Variants in NLRP14 observed in about 807,000 individuals in gnomAD.
The protein encoded by NLRP14 is NLR family pyrin domain containing 14.
Under a neutral mutation model 94.7 loss-of-function variants are expected in NLRP14, and 105 were observed. The ratio of observed to expected loss-of-function variants is 1.11; its 90% confidence interval spans 0.95 to 1.30. NLRP14 has a LOEUF of 1.30. Ranked by LOEUF, NLRP14 falls within the 50% of genes most tolerant of loss-of-function variation. The pLI is 0.00. For missense variants in NLRP14, 1,362 were observed against 1,254.1 expected (o/e 1.09, Z -1.30); for synonymous variants, 508 against 459.9 (o/e 1.10, Z -1.34).
Position 7,071,287 on chromosome 11 carries a change from G to A in NLRP14, c.3261G>A (p.Val1087=), listed in dbSNP as rs978321790. The A allele has an allele frequency of 6.2e-7, 1 of 1,613,138 alleles. No homozygotes were observed. Among genetic ancestry groups the A allele is most frequent in the African/African-American group, 1.3e-5 (1 of 74,836 alleles). ...PDCNYHNEED[V]SWWWCF is the part of the protein sequence containing the mutation. Reference sequence around the variant, plus strand: ...GTAACTATCATAATGAAGAAGATGTGTCTTGGTGGTGGTGTTTCTGATTTG... The same window carrying A: ...GTAACTATCATAATGAAGAAGATGTATCTTGGTGGTGGTGTTTCTGATTTG... Residue 1087 remains valine (V), a synonymous_variant, in exon 12 of 12, where the codon GTG becomes GTA. Transcript: ENST00000299481.
In NLRP14 at chr11:7,043,794, C is replaced by T. The variant is rs1565017318; in HGVS notation, c.1768C>T (p.Gln590Ter). ...LELFHCLYETQDKAFISQAMR... is the reference protein window; with the variant it reads ...LELFHCLYET ...GTTGTTTCACTGTCTGTATGAGACT[C>T]AAGATAAAGCGTTTATAAGCCAGGC... The change falls in exon 4 of 12, where the codon CAA becomes TAA. Residue 590 changes from glutamine (Q) to a stop codon, truncating the protein, a stop_gained. Coordinates refer to ENST00000299481, the MANE Select transcript of NLRP14 (RefSeq NM_176822.4). LOFTEE classifies it high-confidence loss of function. The T allele has an allele frequency of 6.2e-7, 1 of 1,614,096 alleles. No homozygotes were observed.
At chr11:7,066,689 A>G (rs1852711415) in intron 10 of NLRP14, among the ~76,000 whole-genome samples, 1 of 152,052 alleles carries the variant, frequency 6.6e-6, no homozygotes, top group Non-Finnish European at 1.5e-5. Flanking sequence ...GAAGCTCTTT[A>G]GTTTAATTAG....
chr11:7,083,293 C>T, the NLRP14 span, among the ~76,000 whole-genome samples: 1 of 152,196 alleles, frequency 6.6e-6, no homozygotes, highest in Non-Finnish European at 1.5e-5. Context: ...TTCAAATGCC[C>T]ATTCCAATTC....
chr11:7,037,034 CAAAGAT>C (rs922195020), intron 1 of NLRP14, among the ~76,000 whole-genome samples: 3 of 152,106 alleles, frequency 2.0e-5, no homozygotes, highest in Admixed American at 6.5e-5. Flanking sequence ...ACAGGAAAGA[CAAAGAT>C]AAAGATGGAC....
chr11:7,079,680 A>G, the NLRP14 span, among the ~76,000 whole-genome samples: 95,731 of 152,100 alleles, frequency 0.63, 30,434 homozygotes, highest in East Asian at 0.8. Context: ...CTGAGACAAA[A>G]GACAAAGGGT....
Position 7,057,769 on chromosome 11 carries a change from C to T in NLRP14, c.2384C>T (p.Thr795Ile). ...SQSLIFLNLS[T>I]NNLLDDGVQL... ...AGCCTGATATTTCTGAATCTGTCAA[C>T]CAATAATCTGTTGGATGATGGAGTG... Residue 795 changes from threonine (T) to isoleucine (I), a missense_variant, in exon 7 of 12, where the codon ACC (threonine) becomes ATC (isoleucine). Physicochemically the swap from Thr to Ile is moderately conservative, Grantham distance 89. Transcript: ENST00000299481. The T allele has an allele frequency of 6.2e-7, 1 of 1,612,058 alleles. No individual in the cohort carries two copies. The highest frequency in any genetic ancestry group is 8.5e-7 in the Non-Finnish European group (1 of 1,178,276).
chr11:7,089,308 A>T, the NLRP14 span: 1 of 1,606,390 alleles, frequency 6.2e-7, no homozygotes, highest in Non-Finnish European at 8.5e-7. Context: ...GCAGACGCCA[A>T]GGCCGCCGCC....
At chr11:7,071,702 G>A (rs1852802839), downstream of NLRP14, among the ~76,000 whole-genome samples, 1 of 150,506 alleles carries the variant, frequency 6.6e-6, no homozygotes, top group Non-Finnish European at 1.5e-5. Context: ...ATTAAAATGT[G>A]TCTCCATATG....
intron 1 of NLRP14, among the ~76,000 whole-genome samples, chr11:7,025,327 T>C (rs1479715540): frequency 6.6e-6 from 1 of 152,134 alleles, no homozygotes; most frequent in Non-Finnish European, 1.5e-5. Context: ...ATATCATCTC[T>C]CCCTAATGTA....
At position 7,069,173 on chromosome 11, in the gene NLRP14, A is replaced by G. The variant is rs144169385; in HGVS notation, c.2976-1113A>G. On this transcript the variant is annotated intron_variant, in intron 10 of 11. Coordinates refer to ENST00000299481, the MANE Select transcript of NLRP14 (RefSeq NM_176822.4). The stretch of plus-strand genomic sequence containing the variant: ...AATGATTATATTTCCTGATGAATTC[A>G]TGATAACACTTTGTTTTACGATGCT... Among the ~76,000 whole-genome samples, 857 of 152,344 alleles carry G rather than the reference A, an allele frequency of 5.6e-3. 6 individuals carry two copies. Among genetic ancestry groups the G allele is most frequent in the African/African-American group, 0.02 (830 of 41,582 alleles).
At chr11:7,090,573 A>G in the NLRP14 span, 1 of 483,612 alleles carries the variant, frequency 2.1e-6, no homozygotes, top group South Asian at 2.3e-5. Flanking sequence ...ACAAGTAGAA[A>G]TTCGATTAAT....
At chr11:7,078,742 C>T in the NLRP14 span, among the ~76,000 whole-genome samples, 18 of 151,252 alleles carry the variant, frequency 1.2e-4, no homozygotes, top group Non-Finnish European at 2.1e-4. Flanking sequence ...GAGCCAAGAT[C>T]GCACCATTGC....
downstream of NLRP14, among the ~76,000 whole-genome samples, chr11:7,076,365 GTTTTC>G (rs947955664): frequency 6.6e-6 from 1 of 151,780 alleles, no homozygotes; most frequent in African/African-American, 2.4e-5. Context: ...ATGTTTTATC[GTTTTC>G]TTTTTAATTT....
At chr11:7,061,648 A>G (rs1174842061) in intron 9 of NLRP14, among the ~76,000 whole-genome samples, 1 of 152,118 alleles carries the variant, frequency 6.6e-6, no homozygotes, top group East Asian at 1.9e-4. Context: ...TTATAAGGAT[A>G]TGACAACAGT....
At chr11:7,042,082 G>T (rs1852261459) in intron 3 of NLRP14, among the ~76,000 whole-genome samples, 1 of 150,210 alleles carries the variant, frequency 6.7e-6, no homozygotes. Flanking sequence ...TTTTTTCTAT[G>T]TAGAAGGAAA....
chr11:7,031,173 G>C (rs1264051177), intron 1 of NLRP14, among the ~76,000 whole-genome samples: 3 of 152,222 alleles, frequency 2.0e-5, no homozygotes, highest in Non-Finnish European at 2.9e-5. Flanking sequence ...GTCCTTCTGA[G>C]GCCTGGCTTT....
chr11:7,090,020 A>G, the NLRP14 span: 4 of 1,613,130 alleles, frequency 2.5e-6, no homozygotes, highest in Non-Finnish European at 3.4e-6. Context: ...GGACACCGCC[A>G]TCTTACGGAG....
At chr11:7,031,844 A>G (rs1457019329) in intron 1 of NLRP14, among the ~76,000 whole-genome samples, 1 of 152,200 alleles carries the variant, frequency 6.6e-6, no homozygotes, top group Non-Finnish European at 1.5e-5. Flanking sequence ...GGTTATCAGT[A>G]TCTGTCTCTC....
At chr11:7,052,108 A>G (rs1160203966) in intron 6 of NLRP14, among the ~76,000 whole-genome samples, 1 of 152,222 alleles carries the variant, frequency 6.6e-6, no homozygotes, top group Non-Finnish European at 1.5e-5. Context: ...GACCAAAAAC[A>G]AAAACAGAAA....
Sources: allele counts gnomAD v4.1 joint callset (sites outside exome capture counted in the v4.1 genomes callset), GRCh38; gene constraint gnomAD v4.1.1; transcripts MANE v1.5; gene names NCBI Gene and HGNC (gene_info 2026-07-23, HGNC 2026-07-21).